DTL: variants seen among roughly 807,000 people sequenced by gnomAD.
The protein encoded by DTL is denticleless protein homolog.
A neutral mutation model predicts 87.0 loss-of-function variants in DTL; 46 were observed. That is an observed-to-expected ratio of 0.53 (90% CI 0.42 to 0.68). The LOEUF is 0.68. Ranked by LOEUF, DTL falls within the 30% of genes least tolerant of loss-of-function variation. The pLI is 0.00. For synonymous variants in DTL, 308 were observed against 311.2 expected (o/e 0.99, Z 0.11); for missense variants, 737 against 869.4 (o/e 0.85, Z 1.91).
intron 9 of DTL, 81 bp from the exon 10 acceptor site, chr1:212,068,518 G>T: frequency 1.1e-6 from 1 of 942,078 alleles, no homozygotes; most frequent in South Asian, 1.5e-5. Flanking sequence ...CTTATGAAAT[G>T]ATCTATTTTT....
At chr1:212,097,399 C>T (rs887664469) in intron 13 of DTL, among the ~76,000 whole-genome samples, 1 of 152,074 alleles carries the variant, frequency 6.6e-6, no homozygotes, top group East Asian at 1.9e-4. Context: ...AGATCTCGAG[C>T]AAGGCCAGAG....
chr1:212,092,435 C>T (rs1174796042), intron 13 of DTL, among the ~76,000 whole-genome samples: 1 of 151,950 alleles, frequency 6.6e-6, no homozygotes, highest in East Asian at 1.9e-4. Context: ...GAGGCTGAGT[C>T]AGGAGAATTG....
At chr1:212,059,457 G>C (rs532459811) in intron 5 of DTL, among the ~76,000 whole-genome samples, 1 of 151,914 alleles carries the variant, frequency 6.6e-6, no homozygotes, top group South Asian at 2.1e-4. Context: ...AAAATAATTC[G>C]ATAAAATTCA....
intron 13 of DTL, among the ~76,000 whole-genome samples, chr1:212,098,207 TACTAGC>T (rs1428479083): frequency 4.0e-5 from 6 of 148,764 alleles, no homozygotes; most frequent in Non-Finnish European, 7.4e-5. Context: ...ATGCTAGTTA[TACTAGC>T]ACTGAAGTTA....
At chr1:212,037,199 CTA>C (rs939790270) in intron 1 of DTL, among the ~76,000 whole-genome samples, 1 of 152,206 alleles carries the variant, frequency 6.6e-6, no homozygotes, top group Non-Finnish European at 1.5e-5. Flanking sequence ...TGTTCAGCCT[CTA>C]TTTTGTGACA....
Position 212,048,536 on chromosome 1 carries a change from G to C in DTL, c.460+1119G>C, listed in dbSNP as rs562089431. Among the ~76,000 whole-genome samples the C allele has an allele frequency of 7.9e-5, 12 of 152,234 alleles. 1 individual carries two copies. In the South Asian group the frequency reaches 2.5e-3, roughly 32 times the overall value. On this transcript the variant is annotated intron_variant, in intron 5 of 14. Coordinates refer to ENST00000366991, the MANE Select transcript of DTL (RefSeq NM_016448.4). ...ATGTTTTCAACTATTACTTAAAATTGATTTTCCTATGTTTATATTGTTATA... is the reference window on the plus strand; with the variant it reads ...ATGTTTTCAACTATTACTTAAAATTCATTTTCCTATGTTTATATTGTTATA...
At chr1:212,084,331 G>A (rs1354578227) in intron 13 of DTL, among the ~76,000 whole-genome samples, 9 of 151,614 alleles carry the variant, frequency 5.9e-5, no homozygotes, top group African/African-American at 9.7e-5. Flanking sequence ...AATTACAGGC[G>A]TGTGCCACCA....
At chr1:212,057,805 G>A (rs1409504072) in intron 5 of DTL, among the ~76,000 whole-genome samples, 1 of 152,122 alleles carries the variant, frequency 6.6e-6, no homozygotes, top group Non-Finnish European at 1.5e-5. Flanking sequence ...ATAGACAAAT[G>A]TGACCTAATT....
chr1:212,071,391 T>C (rs892347168), intron 10 of DTL, among the ~76,000 whole-genome samples: 1 of 152,184 alleles, frequency 6.6e-6, no homozygotes, highest in Admixed American at 6.5e-5. Flanking sequence ...GTTAAGAACA[T>C]ATGCTAGATT....
intron 1 of DTL, among the ~76,000 whole-genome samples, chr1:212,037,540 C>G (rs972497177): frequency 1.3e-5 from 2 of 152,174 alleles, no homozygotes; most frequent in African/African-American, 4.8e-5. Flanking sequence ...TATAACTAAA[C>G]TAACTCTACC....
chr1:212,092,562 A>C (rs1571981080), intron 13 of DTL, among the ~76,000 whole-genome samples: 1 of 151,746 alleles, frequency 6.6e-6, no homozygotes, highest in Admixed American at 6.6e-5. Context: ...ATGGTCTCCA[A>C]CTCCATCCTG....
At chr1:212,079,384 T>G (rs1217380327) in intron 12 of DTL, among the ~76,000 whole-genome samples, 5 of 152,146 alleles carry the variant, frequency 3.3e-5, no homozygotes, top group African/African-American at 9.7e-5. Context: ...TATCCTTATT[T>G]CCTGTGCTCA....
intron 5 of DTL, among the ~76,000 whole-genome samples, chr1:212,058,344 A>G (rs1303559643): frequency 6.6e-6 from 1 of 152,208 alleles, no homozygotes; most frequent in Admixed American, 6.5e-5. Flanking sequence ...AGTTGAAATA[A>G]TATCAGGAAT....
chr1:212,047,681 G>A (rs766667377), intron 5 of DTL, among the ~76,000 whole-genome samples: 4 of 152,084 alleles, frequency 2.6e-5, no homozygotes, highest in Non-Finnish European at 4.4e-5. Flanking sequence ...GACTACAGGC[G>A]CACATCACCA....
chr1:212,075,584 C>T (rs1654803840), intron 11 of DTL, among the ~76,000 whole-genome samples: 1 of 152,126 alleles, frequency 6.6e-6, no homozygotes, highest in East Asian at 1.9e-4. Flanking sequence ...ATGAATCTTT[C>T]TTGAAGTAGT....
intron 13 of DTL, among the ~76,000 whole-genome samples, chr1:212,085,426 T>C (rs1374783264): frequency 1.3e-5 from 2 of 152,250 alleles, no homozygotes; most frequent in African/African-American, 4.8e-5. Context: ...CATGTGCTTA[T>C]TGGCCATTTA....
intron 6 of DTL, among the ~76,000 whole-genome samples, 192 bp from the exon 7 acceptor site, chr1:212,064,725 A>G (rs562663563): frequency 6.6e-6 from 1 of 152,388 alleles, no homozygotes; most frequent in Non-Finnish European, 1.5e-5. Context: ...GGCAATTATT[A>G]AAGCTGTTAT....
At chr1:212,078,320 T>C in intron 12 of DTL, 58 bp downstream of exon 12, 1 of 1,101,014 alleles carries the variant, frequency 9.1e-7, no homozygotes, top group Admixed American at 2.0e-5. Context: ...TTGTAGGTTT[T>C]TCTAAGGTTT....
intron 6 of DTL, among the ~76,000 whole-genome samples, chr1:212,063,284 TTTA>T (rs974733981): frequency 1.3e-5 from 2 of 150,204 alleles, no homozygotes; most frequent in Non-Finnish European, 3.0e-5. Flanking sequence ...TTTTTTTTAT[TTTA>T]TTATTATTAT....
Sources: gnomAD v4.1 joint callset for allele counts (sites outside exome capture counted in the v4.1 genomes callset) on GRCh38, gnomAD v4.1.1 for gene constraint, MANE v1.5 for transcripts, NCBI Gene and HGNC (gene_info 2026-07-23, HGNC 2026-07-21) for gene names.